OAF: variants seen among roughly 807,000 people sequenced by gnomAD.
The protein encoded by OAF is out at first protein homolog.
OAF carries 13 observed loss-of-function variants against 22.5 expected under a neutral mutation model. That is an observed-to-expected ratio of 0.58 (90% confidence interval 0.38 to 0.92). OAF has a LOEUF of 0.92. OAF is among the 40% of genes least tolerant of loss of function. OAF has a pLI of 0.00. For missense variants in OAF, 347 were observed against 381.8 expected (o/e 0.91, Z 0.76); for synonymous variants, 175 against 170.5 (o/e 1.03, Z -0.21).
At chr11:120,221,067 C>A (rs1173298775) in intron 1 of OAF, among the ~76,000 whole-genome samples, 1 of 152,188 alleles carries the variant, frequency 6.6e-6, no homozygotes, top group Non-Finnish European at 1.5e-5. Context: ...CCTCATGCCA[C>A]CCCCAGCCCC....
rs1938402632 is a variant in OAF at position 120,229,130 on chromosome 11, C to T, written c.810C>T (p.Pro270=). The T allele has an allele frequency of 1.9e-6, 3 of 1,611,620 alleles. No homozygotes were observed. The highest frequency in any genetic ancestry group is 2.5e-6 in the Non-Finnish European group (3 of 1,178,666). ...QRQLCLWDED[P]YPG ...AGCTGTGTCTCTGGGATGAGGATCC[C>T]TACCCAGGCTAGGGTGGGAGCAACC... Residue 270 remains proline, a synonymous_variant, in exon 4 of 4, where the codon CCC becomes CCT. Transcript: ENST00000328965.
At chr11:120,223,907 C>T (rs1400688799) in intron 1 of OAF, among the ~76,000 whole-genome samples, 1 of 152,194 alleles carries the variant, frequency 6.6e-6, no homozygotes, top group African/African-American at 2.4e-5. Flanking sequence ...TATCAAGTCT[C>T]ACCTGGCAGG....
Position 120,229,514 on chromosome 11 carries a change from C to A in OAF, c.*372C>A. ...GTTTAGACCCTAAAAGGAGTCTATA[C>A]CTGGACACCCACCTCCCCAGACACA... On this transcript the variant is annotated 3_prime_UTR_variant, in exon 4 of 4. Transcript: ENST00000328965. 1 of 216,488 alleles carries A rather than the reference C, an allele frequency of 4.6e-6. No individual in the cohort carries two copies. The highest frequency in any genetic ancestry group is 9.6e-6 in the Non-Finnish European group (1 of 104,396). 13.4% of individuals were successfully genotyped at this position (216,488 alleles called of 1,614,324 possible).
At chr11:120,214,428 A>G (rs1331030865) in intron 1 of OAF, among the ~76,000 whole-genome samples, 1 of 152,192 alleles carries the variant, frequency 6.6e-6, no homozygotes, top group Non-Finnish European at 1.5e-5. Context: ...ACTCAAAGAC[A>G]TTGAACAACG....
At chr11:120,217,178 G>C (rs1284339278) in intron 1 of OAF, 1 of 152,244 alleles carries the variant, frequency 6.6e-6, no homozygotes, top group East Asian at 1.9e-4. Flanking sequence ...CTTCCCCCAC[G>C]CTCTTACCTC....
At chr11:120,219,927 A>C (rs992040717) in intron 1 of OAF, among the ~76,000 whole-genome samples, 1 of 151,934 alleles carries the variant, frequency 6.6e-6, no homozygotes, top group African/African-American at 2.4e-5. Flanking sequence ...TGCACATTGG[A>C]GGCCAGTGGG....
chr11:120,225,866 C>T, intron 2 of OAF, 71 bp downstream of exon 2: 3 of 1,415,510 alleles, frequency 2.1e-6, no homozygotes, highest in Non-Finnish European at 2.9e-6. Flanking sequence ...TCCCATCCCG[C>T]AGACCCGGCC....
chr11:120,223,150 A>G (rs933589070), intron 1 of OAF, among the ~76,000 whole-genome samples: 2 of 152,206 alleles, frequency 1.3e-5, no homozygotes, highest in Admixed American at 6.5e-5. Context: ...CAGCTCAGGC[A>G]TCAAGGGCAG....
At chr11:120,222,569 A>T (rs1460498036) in intron 1 of OAF, among the ~76,000 whole-genome samples, 1 of 151,654 alleles carries the variant, frequency 6.6e-6, no homozygotes, top group Non-Finnish European at 1.5e-5. Context: ...AAGAAAAAAA[A>T]AAAAACAACC....
Position 120,211,290 on chromosome 11 carries a change from C to G in OAF, c.11C>G (p.Pro4Arg). 5.6e-6 allele frequency: 7 copies of G among 1,253,590 alleles called. No homozygotes were observed. The South Asian group carries it at 1.5e-4, about 26-fold the overall frequency. 77.7% of individuals were successfully genotyped at this position (1,253,590 alleles called of 1,614,324 possible). The change falls in exon 1 of 4, where the codon CCC (proline) becomes CGC (arginine). Residue 4 changes from proline (P) to arginine (R), a missense_variant. Pro to Arg is a moderately radical substitution (Grantham distance 103). Coordinates refer to ENST00000328965, the MANE Select transcript of OAF (RefSeq NM_178507.4). ...CAGCGGCCCCCGGGGATGCGCCTTC[C>G]CGGGGTACCCCTGGCGCGCCCTGCG... MRL[P>R]GVPLARPALL...
At chr11:120,224,938 C>T (rs1195983138) in intron 1 of OAF, among the ~76,000 whole-genome samples, 4 of 152,246 alleles carry the variant, frequency 2.6e-5, no homozygotes, top group African/African-American at 9.6e-5. Context: ...GCTCTACTCC[C>T]TCCATCCTGC....
At chr11:120,228,821 T>TACCAAG in intron 3 of OAF, 47 bp from the exon 4 acceptor site, 7 of 520,278 alleles carry the variant, frequency 1.3e-5, no homozygotes, top group East Asian at 3.4e-5. Context: ...GGGAGCTCCT[T>TACCAAG]CCCTCCCTCC....
At chr11:120,218,090 A>G (rs763907368) in intron 1 of OAF, among the ~76,000 whole-genome samples, 3 of 152,052 alleles carry the variant, frequency 2.0e-5, no homozygotes, top group Non-Finnish European at 2.9e-5. Context: ...TTCCTGCAGC[A>G]GTCAGGACAG....
chr11:120,214,834 A>G (rs1938189957), intron 1 of OAF, among the ~76,000 whole-genome samples: 1 of 152,230 alleles, frequency 6.6e-6, no homozygotes, highest in South Asian at 2.1e-4. Context: ...GAGCTATCAG[A>G]TGGCCATCCT....
chr11:120,224,582 C>T (rs1202572532), intron 1 of OAF, among the ~76,000 whole-genome samples: 2 of 152,264 alleles, frequency 1.3e-5, no homozygotes, highest in Non-Finnish European at 2.9e-5. Context: ...TCTGTTCTCG[C>T]GGGTGTACAG....
intron 1 of OAF, among the ~76,000 whole-genome samples, chr11:120,218,301 G>A (rs1425520478): frequency 1.3e-5 from 2 of 152,294 alleles, no homozygotes; most frequent in Middle Eastern, 3.4e-3. Context: ...TAGGTCCCTG[G>A]GCACTGGCCT....
chr11:120,228,441 A>C (rs1938390805), intron 3 of OAF, among the ~76,000 whole-genome samples: 1 of 151,998 alleles, frequency 6.6e-6, no homozygotes, highest in East Asian at 1.9e-4. Flanking sequence ...CCACGCCTCT[A>C]TCTCAGCACA....
At chr11:120,211,762 C>T (rs1255363881) in intron 1 of OAF, among the ~76,000 whole-genome samples, 1 of 152,200 alleles carries the variant, frequency 6.6e-6, no homozygotes, top group Admixed American at 6.5e-5. Flanking sequence ...GGTGCTAACC[C>T]TCCTCCAGAA....
chr11:120,213,832 G>C (rs566340868), intron 1 of OAF: 1 of 152,300 alleles, frequency 6.6e-6, no homozygotes, highest in African/African-American at 2.4e-5. Flanking sequence ...CCAGGATTTG[G>C]GGAGGCTGAG....
Sources: allele counts gnomAD v4.1 joint callset (sites outside exome capture counted in the v4.1 genomes callset), GRCh38; gene constraint gnomAD v4.1.1; transcripts MANE v1.5; gene names NCBI Gene and HGNC (gene_info 2026-07-23, HGNC 2026-07-21).